SLC25A26: variants seen among roughly 807,000 people sequenced by gnomAD.
SLC25A26 encodes solute carrier family 25 member 26.
SLC25A26 carries 36 observed loss-of-function variants against 37.8 expected under a neutral mutation model. The ratio of observed to expected loss-of-function variants is 0.95; its 90% CI spans 0.73 to 1.26. SLC25A26 has a LOEUF of 1.26. Among genes scored for constraint, SLC25A26 ranks in the 50% most tolerant of loss-of-function variants. The pLI is 0.00. For missense variants in SLC25A26, 390 were observed against 331.1 expected, an observed-to-expected ratio of 1.18 and a Z score of -1.38; for synonymous variants, 129 against 122.5, an observed-to-expected ratio of 1.05 and a Z score of -0.35.
At chr3:66,325,545 C>G (rs1575568953) in intron 5 of SLC25A26, among the ~76,000 whole-genome samples, 1 of 152,188 alleles carries the variant, frequency 6.6e-6, no homozygotes. Context: ...GACACCTGAT[C>G]TAGTCTGGAC....
At chr3:66,272,701 C>G (rs570942770) in intron 5 of SLC25A26, among the ~76,000 whole-genome samples, 87 of 152,202 alleles carry the variant, frequency 5.7e-4, no homozygotes, top group Non-Finnish European at 1.1e-3. Context: ...TTTGAAATTA[C>G]CTTCATTTCT....
At chr3:66,283,213 G>A (rs1165630773) in intron 5 of SLC25A26, among the ~76,000 whole-genome samples, 3 of 152,156 alleles carry the variant, frequency 2.0e-5, no homozygotes, top group African/African-American at 7.2e-5. Context: ...GGGTAGAAAT[G>A]CAGGAATGGG....
At position 66,377,977 on chromosome 3, in the gene SLC25A26, C is replaced by T. The variant is rs1700774654; in HGVS notation, c.*170C>T. On this transcript the variant is annotated 3_prime_UTR_variant, in exon 10 of 10. Transcript: ENST00000354883. ...TGGTATAGGCTGGCTGGTATGAAGT[C>T]ATTGGCCTGTATGCCAGAGAGCTAA... The T allele has an allele frequency of 1.7e-6, 1 of 580,750 alleles. No homozygotes were observed. The highest frequency in any genetic ancestry group is 3.0e-5 in the Admixed American group (1 of 33,786). The allele number at this position is 580,750 out of a possible 1,614,324, so 36.0% of individuals were successfully genotyped here. A position where few individuals can be genotyped will look rare whatever the true frequency, so the allele number is the denominator to read the frequency against.
chr3:66,218,048 T>C (rs2071387566), upstream of SLC25A26, among the ~76,000 whole-genome samples: 3 of 152,196 alleles, frequency 2.0e-5, no homozygotes, highest in Non-Finnish European at 1.5e-5. Flanking sequence ...ATATACTTTC[T>C]GTCACTATAA....
chr3:66,318,377 G>C (rs2075599124), intron 5 of SLC25A26, among the ~76,000 whole-genome samples: 1 of 152,156 alleles, frequency 6.6e-6, no homozygotes, highest in Non-Finnish European at 1.5e-5. Context: ...TTCAGGGAGG[G>C]GTAGCACAAT....
At chr3:66,166,242 A>C (rs1270560193) in intron 1 of SLC25A26, among the ~76,000 whole-genome samples, 3 of 152,148 alleles carry the variant, frequency 2.0e-5, no homozygotes, top group Admixed American at 1.3e-4. Flanking sequence ...GTGCTAATTT[A>C]TTTCTTTTTA....
chr3:66,200,700 A>G (rs1305012360), intron 1 of SLC25A26, among the ~76,000 whole-genome samples: 2 of 152,234 alleles, frequency 1.3e-5, no homozygotes, highest in Admixed American at 1.3e-4. Flanking sequence ...AGCTATTTTC[A>G]TAAAAGCTAT....
rs369156338 is a variant in SLC25A26, at chr3:66,319,349, C to T, written c.454-27015C>T. ...CGTTGGGAAATTCATATTATGGCTA[C>T]GAAAATAACTATAGGCAAAGATACC... On this transcript the variant is annotated intron_variant, in intron 5 of 9. Coordinates refer to ENST00000354883, the MANE Select transcript of SLC25A26 (RefSeq NM_001379210.1). Among the ~76,000 whole-genome samples, 141 of 152,030 alleles carry T rather than the reference C, an allele frequency of 9.3e-4. No individual in the cohort carries two copies. In the East Asian group the frequency reaches 0.026, roughly 28 times the overall value.
intron 1 of SLC25A26, among the ~76,000 whole-genome samples, chr3:66,194,339 G>C (rs2071003679): frequency 6.6e-6 from 1 of 152,166 alleles, no homozygotes; most frequent in Non-Finnish European, 1.5e-5. Flanking sequence ...GGATGGCTTG[G>C]TTTTGTTTTC....
At chr3:66,273,103 T>A (rs1415902468) in intron 5 of SLC25A26, among the ~76,000 whole-genome samples, 1 of 152,272 alleles carries the variant, frequency 6.6e-6, no homozygotes, top group African/African-American at 2.4e-5. Context: ...ATTTATTGAT[T>A]TGTGTATATT....
intron 9 of SLC25A26, among the ~76,000 whole-genome samples, chr3:66,374,646 G>T (rs1700539134): frequency 6.6e-6 from 1 of 152,172 alleles, no homozygotes; most frequent in South Asian, 2.1e-4. Context: ...GGATTTTGGG[G>T]GGCCAAGGTG....
intron 1 of SLC25A26, among the ~76,000 whole-genome samples, chr3:66,148,187 T>A (rs1225252145): frequency 6.6e-6 from 1 of 152,260 alleles, no homozygotes; most frequent in Non-Finnish European, 1.5e-5. Flanking sequence ...CATTTGTATA[T>A]CTTCTTTTGA....
At chr3:66,323,889 T>C (rs2075764200) in intron 5 of SLC25A26, 1 of 152,250 alleles carries the variant, frequency 6.6e-6, no homozygotes, top group African/African-American at 2.4e-5. Flanking sequence ...TTGTCCCAGC[T>C]ACTTGGGAGG....
intron 1 of SLC25A26, among the ~76,000 whole-genome samples, chr3:66,209,586 C>CAT (rs1227543645): frequency 1.5e-5 from 2 of 133,508 alleles, no homozygotes; most frequent in East Asian, 4.4e-4. Context: ...AAAGTATAGG[C>CAT]ATATATATAT....
intron 5 of SLC25A26, among the ~76,000 whole-genome samples, chr3:66,308,510 T>C (rs1377514253): frequency 6.6e-6 from 1 of 152,236 alleles, no homozygotes; most frequent in Non-Finnish European, 1.5e-5. Context: ...TCTTGCCTGA[T>C]TGCCCTGGCC....
intron 1 of SLC25A26, among the ~76,000 whole-genome samples, chr3:66,148,512 G>A (rs2070152590): frequency 6.6e-6 from 1 of 152,234 alleles, no homozygotes; most frequent in Non-Finnish European, 1.5e-5. Flanking sequence ...TCTCAACCCA[G>A]TGAAAGCCTT....
At chr3:66,264,915 C>T (rs1169934623) in intron 5 of SLC25A26, among the ~76,000 whole-genome samples, 1 of 152,246 alleles carries the variant, frequency 6.6e-6, no homozygotes, top group African/African-American at 2.4e-5. Flanking sequence ...TGCCTTCTAA[C>T]TCTAAATTTC....
chr3:66,230,275 A>G (rs2071950707), intron 1 of SLC25A26, among the ~76,000 whole-genome samples: 1 of 152,362 alleles, frequency 6.6e-6, no homozygotes, highest in East Asian at 1.9e-4. Flanking sequence ...ATTATATACT[A>G]GAGTGATGGT....
chr3:66,363,939 T>G (rs1410314414), intron 7 of SLC25A26, among the ~76,000 whole-genome samples: 3 of 152,152 alleles, frequency 2.0e-5, no homozygotes, highest in Non-Finnish European at 4.4e-5. Flanking sequence ...CACATAGTCA[T>G]TAGCTGTGTT....
Sources: gnomAD v4.1 joint callset for allele counts (sites outside exome capture counted in the v4.1 genomes callset) on GRCh38, gnomAD v4.1.1 for gene constraint, MANE v1.5 for transcripts, NCBI Gene and HGNC (gene_info 2026-07-23, HGNC 2026-07-21) for gene names.